The following CCDC122 variants were observed in gnomAD, a reference collection of about 807,000 sequenced individuals.
The protein encoded by CCDC122 is coiled-coil domain containing 122.
Under a neutral mutation model 37.0 loss-of-function variants are expected in CCDC122, and 38 were observed. That is an observed-to-expected ratio of 1.03 (90% CI 0.79 to 1.35). The LOEUF is 1.35. Among genes scored for constraint, CCDC122 ranks in the 40% most tolerant of loss-of-function variants. The pLI is 0.00. For synonymous variants in CCDC122, 83 were observed against 95.6 expected (o/e 0.87, Z 0.77); for missense variants, 305 against 310.0 (o/e 0.98, Z 0.12).
At chr13:43,830,958 A>C (rs191479900) in intron 3 of CCDC122, among the ~76,000 whole-genome samples, 2 of 152,306 alleles carry the variant, frequency 1.3e-5, no homozygotes, top group East Asian at 3.9e-4. Flanking sequence ...GAAACTGTGC[A>C]TGAGTAAATT....
chr13:43,838,884 G>A (rs1322048648), intron 6 of CCDC122, among the ~76,000 whole-genome samples: 1 of 152,186 alleles, frequency 6.6e-6, no homozygotes, highest in Non-Finnish European at 1.5e-5. Flanking sequence ...ATCAAAATAT[G>A]ATGGATAAGC....
At chr13:43,843,024 A>G (rs1185953649) in intron 6 of CCDC122, among the ~76,000 whole-genome samples, 3 of 151,962 alleles carry the variant, frequency 2.0e-5, no homozygotes, top group Non-Finnish European at 2.9e-5. Flanking sequence ...CTTTTTTCTT[A>G]TAACATTGAT....
intron 6 of CCDC122, among the ~76,000 whole-genome samples, chr13:43,851,736 C>A (rs558188106): frequency 6.6e-6 from 1 of 152,282 alleles, no homozygotes; most frequent in South Asian, 2.1e-4. Flanking sequence ...GACCAGCAGT[C>A]TGGGAGCACC....
Position 43,867,183 on chromosome 13 carries a change from A to G in CCDC122, c.156+1511T>C, listed in dbSNP as rs376960577. ...TTATGTATCTAGAATTCTTTCTAAA[A>G]TATAAATTTAATATTTGTTTCTTGC... On this transcript the variant is annotated intron_variant, in intron 4 of 6. Transcript: ENST00000444614. Among the ~76,000 whole-genome samples, 9 of 152,266 alleles carry G rather than the reference A, an allele frequency of 5.9e-5. No homozygotes were observed. The South Asian group carries it at 6.2e-4, about 11-fold the overall frequency.
intron 2 of CCDC122, among the ~76,000 whole-genome samples, chr13:43,870,978 CTG>C (rs1470088016): frequency 2.0e-5 from 3 of 152,112 alleles, no homozygotes; most frequent in Non-Finnish European, 2.9e-5. Context: ...ATATCAAAAT[CTG>C]TGCAAATTCA....
At chr13:43,821,997 T>C (rs1052472642), downstream of CCDC122, among the ~76,000 whole-genome samples, 13 of 152,176 alleles carry the variant, frequency 8.5e-5, no homozygotes, top group Non-Finnish European at 1.6e-4. Flanking sequence ...CCTGGTGCCT[T>C]ATTTAGTTTC....
chr13:43,842,446 C>A (rs1953387886), intron 6 of CCDC122, among the ~76,000 whole-genome samples: 1 of 151,576 alleles, frequency 6.6e-6, no homozygotes. Context: ...TATAATAAAT[C>A]TTAATATTAG....
chr13:43,832,039 G>A (rs183184150), downstream of CCDC122, among the ~76,000 whole-genome samples: 27 of 149,908 alleles, frequency 1.8e-4, no homozygotes, highest in Middle Eastern at 3.5e-3. Context: ...CTTGGTTTTG[G>A]TCATAGTTCA....
intron 6 of CCDC122, chr13:43,856,297 T>G (rs1953904065): frequency 6.6e-6 from 1 of 152,174 alleles, no homozygotes; most frequent in Non-Finnish European, 1.5e-5. Context: ...GACAGAAATT[T>G]ACCTATATAA....
In CCDC122 at chr13:43,874,430, C is replaced by T. The variant is rs563428201; in HGVS notation, c.-114+412G>A. On this transcript the variant is annotated intron_variant, in intron 2 of 6. Transcript: ENST00000444614. ...AGTGTAAGCACCGGGAAGACAAATA[C>T]AGTGTTTTATTTATTTTTGTATTCC... 2.0e-5 allele frequency among the ~76,000 whole-genome samples: 3 copies of T among 152,112 alleles called. No individual in the cohort carries two copies. The East Asian group carries it at 5.8e-4, about 29-fold the overall frequency.
chr13:43,859,848 C>A lies in CCDC122; in HGVS notation c.379G>T (p.Ala127Ser), dbSNP rs1241481947. The change falls in exon 5 of 7, where the codon GCA becomes TCA. Residue 127 changes from alanine (A) to serine (S), a missense_variant. Physicochemically the swap from Ala to Ser is moderately conservative, Grantham distance 99. Coordinates refer to ENST00000444614, the MANE Select transcript of CCDC122 (RefSeq NM_144974.5). ...TGTGCTTTTATTTTTGCATAATATGCATTATATTTTATCATGTGTTCCTCA... is the reference window on the plus strand; with the variant it reads ...TGTGCTTTTATTTTTGCATAATATGAATTATATTTTATCATGTGTTCCTCA... ...DFEEHMIKYN[A>S]YYAKIKAHKN... 1 of 1,607,138 alleles carries A rather than the reference C, an allele frequency of 6.2e-7. No homozygotes were observed. The highest frequency in any genetic ancestry group is 8.5e-7 in the Non-Finnish European group (1 of 1,177,374).
downstream of CCDC122, among the ~76,000 whole-genome samples, chr13:43,823,294 G>A (rs116873253): frequency 7.2e-5 from 11 of 152,192 alleles, no homozygotes; most frequent in East Asian, 1.7e-3. Context: ...CTGTCTCACT[G>A]TGGCTGGGCT....
intron 3 of CCDC122, among the ~76,000 whole-genome samples, chr13:43,830,889 A>G (rs1276109814): frequency 2.6e-5 from 4 of 152,156 alleles, no homozygotes; most frequent in Non-Finnish European, 5.9e-5. Flanking sequence ...TGAATGAGGA[A>G]GCTGCATTTT....
Position 43,860,070 on chromosome 13 carries a change from T to G in CCDC122, c.157A>C (p.Asn53His), listed in dbSNP as rs754105139. Residue 53 changes from asparagine (N) to histidine (H), a missense_variant and splice_region_variant, in exon 5 of 7, where the codon AAT (asparagine) becomes CAT (histidine). Transcript: ENST00000444614. ...TCTTTTTCAAGCTCATGAAGTTCAT[T>G]CTGTAATACATTTTAACATTATCAT... ...KNKKVLFNLK[N>H]ELHELEKEIA... The G allele has an allele frequency of 1.4e-6, 2 of 1,459,590 alleles. No individual in the cohort carries two copies. The highest frequency in any genetic ancestry group is 2.9e-5 in the African/African-American group (2 of 69,814). 90.4% of individuals were successfully genotyped at this position (1,459,590 alleles called of 1,614,324 possible).
intron 3 of CCDC122, among the ~76,000 whole-genome samples, chr13:43,824,974 T>C (rs1953026201): frequency 3.3e-5 from 5 of 152,208 alleles, no homozygotes; most frequent in Admixed American, 2.0e-4. Context: ...TCAGCCACTG[T>C]GGAAAGCAAT....
intron 6 of CCDC122, among the ~76,000 whole-genome samples, chr13:43,846,982 T>G (rs2153871592): frequency 6.6e-6 from 1 of 152,316 alleles, no homozygotes; most frequent in South Asian, 2.1e-4. Context: ...TTTTATCTCA[T>G]GACCCAGTAA....
At chr13:43,832,750 A>C (rs896246143), downstream of CCDC122, among the ~76,000 whole-genome samples, 2 of 152,176 alleles carry the variant, frequency 1.3e-5, no homozygotes, top group African/African-American at 4.8e-5. Flanking sequence ...CATGTAGCTA[A>C]AATGGGGCTT....
downstream of CCDC122, among the ~76,000 whole-genome samples, chr13:43,831,839 G>A (rs1594811038): frequency 1.3e-5 from 2 of 152,008 alleles, no homozygotes; most frequent in East Asian, 1.9e-4. Flanking sequence ...CTGTCTTCAC[G>A]GGATTATGTA....
At chr13:43,872,912 C>T (rs953628765) in intron 2 of CCDC122, among the ~76,000 whole-genome samples, 4 of 152,140 alleles carry the variant, frequency 2.6e-5, no homozygotes, top group African/African-American at 9.7e-5. Flanking sequence ...CCTCTTTCTT[C>T]TTGAACCCAC....
Sources: allele counts gnomAD v4.1 joint callset (sites outside exome capture counted in the v4.1 genomes callset), GRCh38; gene constraint gnomAD v4.1.1; transcripts MANE v1.5; gene names NCBI Gene and HGNC (gene_info 2026-07-23, HGNC 2026-07-21).